The following LYPD6 variants were observed in gnomAD, a reference collection of about 807,000 sequenced individuals.
LYPD6 encodes the protein ly6/PLAUR domain-containing protein 6.
Under a neutral mutation model 22.7 loss-of-function variants are expected in LYPD6, and 15 were observed. That is an observed-to-expected ratio of 0.66 (90% CI 0.44 to 1.02). LYPD6 has a LOEUF of 1.02. LYPD6 is among the 50% of genes least tolerant of loss of function. The pLI, the probability that LYPD6 is intolerant of heterozygous loss-of-function variation, is 0.00. For synonymous variants in LYPD6, 72 were observed against 77.5 expected (o/e 0.93, Z 0.37); for missense variants, 189 against 208.4 (o/e 0.91, Z 0.57).
chr2:149,379,672 C>T (rs1179461923), intron 1 of LYPD6, among the ~76,000 whole-genome samples: 1 of 152,180 alleles, frequency 6.6e-6, no homozygotes, highest in Non-Finnish European at 1.5e-5. Context: ...GTCAGCCATG[C>T]TCCTTCAGAA....
In LYPD6 at chr2:149,449,165, T is replaced by C. The variant is rs772115323; in HGVS notation, c.217+18T>C. 1 of 1,582,746 alleles carries C rather than the reference T, an allele frequency of 6.3e-7. No homozygotes were observed. Among genetic ancestry groups the C allele is most frequent in the East Asian group, 2.2e-5 (1 of 44,558 alleles). On this transcript the variant is annotated intron_variant, in intron 3 of 4. Coordinates refer to ENST00000334166, the MANE Select transcript of LYPD6 (RefSeq NM_194317.5). The stretch of plus-strand genomic sequence containing the variant: ...CCCTCGAGGTAAACTCTCAGTAGAC[T>C]GATTGGGGTCCCCTGGGCTGTCCGT...
intron 1 of LYPD6, among the ~76,000 whole-genome samples, chr2:149,404,990 A>G (rs1682662645): frequency 6.6e-6 from 1 of 152,188 alleles, no homozygotes; most frequent in African/African-American, 2.4e-5. Flanking sequence ...TATTGAGATA[A>G]TCATGTGGTT....
chr2:149,434,338 A>G (rs917798428), intron 1 of LYPD6, among the ~76,000 whole-genome samples: 1 of 152,198 alleles, frequency 6.6e-6, no homozygotes, highest in Non-Finnish European at 1.5e-5. Flanking sequence ...CCAGAACAAA[A>G]GTTCTGCTAT....
intron 2 of LYPD6, among the ~76,000 whole-genome samples, chr2:149,438,798 G>A (rs951154990): frequency 2.0e-4 from 31 of 152,336 alleles, no homozygotes; most frequent in Middle Eastern, 3.4e-3. Context: ...CTGAGAGGTG[G>A]TATGCAGAAT....
At chr2:149,343,556 A>C (rs1476480136) in intron 1 of LYPD6, among the ~76,000 whole-genome samples, 1 of 152,210 alleles carries the variant, frequency 6.6e-6, no homozygotes, top group African/African-American at 2.4e-5. Context: ...TTAATGAATG[A>C]ATCTAAGCTG....
intron 1 of LYPD6, among the ~76,000 whole-genome samples, chr2:149,402,616 A>C (rs1246913317): frequency 1.3e-5 from 2 of 151,948 alleles, no homozygotes; most frequent in East Asian, 3.9e-4. Context: ...TTTGATTTGC[A>C]TTTCCCTGAT....
downstream of LYPD6, among the ~76,000 whole-genome samples, chr2:149,478,976 A>C (rs1681482356): frequency 6.6e-6 from 1 of 152,070 alleles, no homozygotes; most frequent in Non-Finnish European, 1.5e-5. Context: ...TCTACAGCCA[A>C]ACCTCTTGAA....
At chr2:149,438,178 A>G (rs911005899) in intron 2 of LYPD6, among the ~76,000 whole-genome samples, 1 of 152,220 alleles carries the variant, frequency 6.6e-6, no homozygotes, top group Non-Finnish European at 1.5e-5. Context: ...TTTATACGTA[A>G]GATAATAGCT....
chr2:149,407,456 T>G (rs1193453106), intron 1 of LYPD6, among the ~76,000 whole-genome samples: 1 of 152,182 alleles, frequency 6.6e-6, no homozygotes, highest in African/African-American at 2.4e-5. Context: ...TTCTCTAAAC[T>G]TCCCTTCTCG....
At chr2:149,383,381 G>A (rs72991488) in intron 1 of LYPD6, among the ~76,000 whole-genome samples, 3,404 of 152,070 alleles carry the variant, frequency 0.022, 99 homozygotes, top group African/African-American at 0.077. Context: ...CAGTTTTTTT[G>A]GGGGGTAGGG....
chr2:149,352,142 T>C (rs1021573513), intron 1 of LYPD6, among the ~76,000 whole-genome samples: 2 of 152,124 alleles, frequency 1.3e-5, no homozygotes, highest in East Asian at 3.9e-4. Context: ...GAAAAAAATG[T>C]GTACATGGAA....
intron 1 of LYPD6, among the ~76,000 whole-genome samples, chr2:149,395,144 A>G (rs960555710): frequency 6.6e-6 from 1 of 151,506 alleles, no homozygotes; most frequent in African/African-American, 2.4e-5. Context: ...TGCATGTGCC[A>G]TTTATCAATA....
chr2:149,399,524 T>C (rs1343452215), intron 1 of LYPD6, among the ~76,000 whole-genome samples: 1 of 151,982 alleles, frequency 6.6e-6, no homozygotes, highest in African/African-American at 2.4e-5. Context: ...GGTCTCTAGC[T>C]TTCATTAGAC....
intron 1 of LYPD6, among the ~76,000 whole-genome samples, chr2:149,416,321 AC>A (rs1682961555): frequency 6.6e-6 from 1 of 152,088 alleles, no homozygotes; most frequent in Non-Finnish European, 1.5e-5. Context: ...GGGGAATGAA[AC>A]CTTTGTAGTC....
intron 1 of LYPD6, among the ~76,000 whole-genome samples, chr2:149,357,047 C>A (rs928047532): frequency 6.6e-6 from 1 of 152,028 alleles, no homozygotes; most frequent in Non-Finnish European, 1.5e-5. Flanking sequence ...GTGTTTTTTC[C>A]CCAAGTTAAT....
chr2:149,339,723 T>C (rs752722520), intron 1 of LYPD6, among the ~76,000 whole-genome samples: 19 of 152,174 alleles, frequency 1.2e-4, no homozygotes, highest in Non-Finnish European at 4.4e-5. Flanking sequence ...GGTCAGACTA[T>C]GTAATACCCC....
intron 1 of LYPD6, among the ~76,000 whole-genome samples, chr2:149,400,783 AGT>A (rs1205213403): frequency 6.6e-6 from 1 of 152,232 alleles, no homozygotes; most frequent in Non-Finnish European, 1.5e-5. Flanking sequence ...GCAAACAAAT[AGT>A]AATGCTTAAA....
At chr2:149,435,389 T>A (rs1198002573) in intron 1 of LYPD6, among the ~76,000 whole-genome samples, 1 of 152,248 alleles carries the variant, frequency 6.6e-6, no homozygotes, top group Admixed American at 6.5e-5. Context: ...ACACATAATG[T>A]TCATTCCATT....
chr2:149,353,362 G>A (rs978242704), intron 1 of LYPD6, among the ~76,000 whole-genome samples: 3 of 152,124 alleles, frequency 2.0e-5, no homozygotes, highest in Non-Finnish European at 2.9e-5. Context: ...GATGCAACTC[G>A]GAGTGTTAAG....
Sources: allele counts gnomAD v4.1 joint callset (sites outside exome capture counted in the v4.1 genomes callset), GRCh38; gene constraint gnomAD v4.1.1; transcripts MANE v1.5; gene names NCBI Gene and HGNC (gene_info 2026-07-23, HGNC 2026-07-21).